The following RAB19 variants were observed in gnomAD, a reference collection of about 807,000 sequenced individuals.
RAB19 encodes the protein ras-related protein Rab-19.
RAB19 carries 21 observed loss-of-function variants against 17.3 expected under a neutral mutation model. That is an observed-to-expected ratio of 1.21 (90% CI 0.86 to 1.74). RAB19 has a LOEUF of 1.74. Among genes scored for constraint, RAB19 ranks in the 40% most tolerant of loss-of-function variants. The pLI is 0.00. For synonymous variants in RAB19, 126 were observed against 110.4 expected (o/e 1.14, Z -0.88); for missense variants, 277 against 286.8 (o/e 0.97, Z 0.25).
rs539274916 is a variant in RAB19, at chr7:140,420,357, G to A, written c.386-5525G>A. On this transcript the variant is annotated intron_variant, in intron 3 of 3. Transcript: ENST00000537763. ...AATCGCTTGAACCCAGGAGGCAGAG[G>A]TTGCAGTGAGCTGAGATCGCACCAT... is the stretch of plus-strand genomic sequence containing the variant. Among the ~76,000 whole-genome samples the A allele has an allele frequency of 2.1e-3, 305 of 147,802 alleles. 2 individuals are homozygous for A. The highest frequency in any genetic ancestry group is 0.02 in the South Asian group (94 of 4,666).
chr7:140,407,151 C>G (rs541724335), intron 1 of RAB19, among the ~76,000 whole-genome samples: 2 of 152,266 alleles, frequency 1.3e-5, no homozygotes, highest in South Asian at 4.1e-4. Context: ...TTCCGAAGAG[C>G]TGGGATTACA....
chr7:140,408,348 C>T (rs1397725102), intron 2 of RAB19, among the ~76,000 whole-genome samples: 1 of 151,828 alleles, frequency 6.6e-6, no homozygotes, highest in Non-Finnish European at 1.5e-5. Flanking sequence ...GAGACACGAA[C>T]CCAGAAGCCA....
At chr7:140,425,092 C>G (rs1799639417) in intron 3 of RAB19, among the ~76,000 whole-genome samples, 1 of 152,052 alleles carries the variant, frequency 6.6e-6, no homozygotes, top group South Asian at 2.1e-4. Context: ...TCAAGACCAG[C>G]CTGGTCAACA....
chr7:140,405,012 G>A (rs1047961044), intron 1 of RAB19, among the ~76,000 whole-genome samples: 8 of 152,188 alleles, frequency 5.3e-5, no homozygotes, highest in African/African-American at 1.9e-4. Flanking sequence ...GAGGTAGTCA[G>A]TTCCTTGTGA....
At position 140,426,071 on chromosome 7, in the gene RAB19, C is replaced by T. The variant is rs1411579062; in HGVS notation, c.575C>T (p.Ala192Val). Residue 192 changes from alanine to valine, a missense_variant, in exon 4 of 4, where the codon GCC becomes GTC. Transcript: ENST00000537763. ...AGCCTGCACCTATATGGGGAGAGTG[C>T]CCTGAACGGCCTCCCCCTGGACTCC... ...RNSLHLYGES[A>V]LNGLPLDSSP... 3 of 1,614,048 alleles carry T rather than the reference C, an allele frequency of 1.9e-6. No individual in the cohort carries two copies. Among genetic ancestry groups the T allele is most frequent in the Non-Finnish European group, 2.5e-6 (3 of 1,180,048 alleles).
chr7:140,419,674 C>A (rs749686176), intron 3 of RAB19, among the ~76,000 whole-genome samples: 3 of 152,142 alleles, frequency 2.0e-5, no homozygotes, highest in African/African-American at 7.2e-5. Flanking sequence ...TACCCAGGAG[C>A]AAAATTGCAT....
chr7:140,421,366 T>G (rs1799560402), intron 3 of RAB19, among the ~76,000 whole-genome samples: 1 of 151,820 alleles, frequency 6.6e-6, no homozygotes. Context: ...TAGGTTGTTT[T>G]GTTTTGTTTT....
rs1327712308 is a variant in RAB19 at position 140,424,611 on chromosome 7, CTCTCTCTCTATA to C, written c.386-1269_386-1258del. Among the ~76,000 whole-genome samples the C allele has an allele frequency of 1.1e-3, 92 of 81,548 alleles. 1 individual carries two copies. In the East Asian group the frequency reaches 0.021, roughly 18 times the overall value. 53.5% of individuals were successfully genotyped at this position (81,548 alleles called of 152,430 possible). On this transcript the variant is annotated intron_variant, in intron 3 of 3. Coordinates refer to ENST00000537763, the MANE Select transcript of RAB19 (RefSeq NM_001008749.3). ...CCTCTCTCTCTCTCTCTCTCTCTCT[CTCTCTCTCTATA>C]TATATATATATATATATGTGTGTGT...
intron 3 of RAB19, among the ~76,000 whole-genome samples, chr7:140,418,124 G>C (rs1362593942): frequency 6.6e-6 from 1 of 152,086 alleles, no homozygotes; most frequent in African/African-American, 2.4e-5. Context: ...TTTGACACTG[G>C]GCAGGTTGGT....
At chr7:140,405,039 A>G (rs1799210751) in intron 1 of RAB19, among the ~76,000 whole-genome samples, 1 of 152,174 alleles carries the variant, frequency 6.6e-6, no homozygotes, top group Admixed American at 6.6e-5. Context: ...ATATTTAAGC[A>G]TAGGTGGACA....
intron 2 of RAB19, among the ~76,000 whole-genome samples, chr7:140,408,054 T>A (rs930290162): frequency 4.0e-5 from 6 of 150,614 alleles, no homozygotes; most frequent in Non-Finnish European, 8.9e-5. Flanking sequence ...ATTTTTTTTT[T>A]TTTTATGTAT....
intron 3 of RAB19, among the ~76,000 whole-genome samples, chr7:140,414,401 C>T (rs750597736): frequency 6.6e-5 from 10 of 152,204 alleles, no homozygotes; most frequent in Non-Finnish European, 1.3e-4. Context: ...CCAGCTGCCT[C>T]TCCCCCAGCC....
At chr7:140,420,286 T>C (rs1260549889) in intron 3 of RAB19, among the ~76,000 whole-genome samples, 2 of 151,242 alleles carry the variant, frequency 1.3e-5, no homozygotes, top group African/African-American at 2.4e-5. Context: ...CTGGGCGTGG[T>C]GGTGGGCGCC....
chr7:140,407,512 T>C, intron 1 of RAB19, 112 bp from the exon 2 acceptor site: 1 of 709,926 alleles, frequency 1.4e-6, no homozygotes. Flanking sequence ...ACTAGCATCA[T>C]TAGCATCGTC....
At chr7:140,423,108 A>G (rs4726794) in intron 3 of RAB19, among the ~76,000 whole-genome samples, 10,995 of 151,842 alleles carry the variant, frequency 0.072, 483 homozygotes, top group Admixed American at 0.11. Context: ...GCTCTGCTCA[A>G]ATAAACAAAT....
intron 3 of RAB19, among the ~76,000 whole-genome samples, chr7:140,420,376 G>A (rs1461332224): frequency 1.4e-5 from 2 of 141,454 alleles, no homozygotes; most frequent in Non-Finnish European, 3.0e-5. Context: ...AGCTGAGATC[G>A]CACCATTGCA....
rs1249682095 is a variant in RAB19, at chr7:140,408,381, T to C, written c.201+534T>C. On this transcript the variant is annotated intron_variant, in intron 2 of 3. Coordinates refer to ENST00000537763, the MANE Select transcript of RAB19 (RefSeq NM_001008749.3). ...CCAATAAGGAAAATACTGCTGAATC[T>C]AACTGTGAAGGTCAAATTTATACAT... 2.0e-5 allele frequency among the ~76,000 whole-genome samples: 3 copies of C among 151,974 alleles called. No homozygotes were observed. The East Asian group carries it at 5.8e-4, about 29-fold the overall frequency.
At chr7:140,415,495 A>G (rs796782786) in intron 3 of RAB19, among the ~76,000 whole-genome samples, 5 of 151,978 alleles carry the variant, frequency 3.3e-5, no homozygotes, top group African/African-American at 1.2e-4. Context: ...CTCAACAAAA[A>G]CCCTCAGGGC....
intron 2 of RAB19, 33 bp downstream of exon 2, chr7:140,407,880 C>CTTTTTTTTTT (rs71170993): frequency 3.6e-6 from 2 of 552,650 alleles, no homozygotes; most frequent in Non-Finnish European, 2.6e-6. Flanking sequence ...CTGGTTCCAC[C>CTTTTTTTTTT]TTTTTTTTTT....
Sources: allele counts gnomAD v4.1 joint callset (sites outside exome capture counted in the v4.1 genomes callset), GRCh38; gene constraint gnomAD v4.1.1; transcripts MANE v1.5; gene names NCBI Gene and HGNC (gene_info 2026-07-23, HGNC 2026-07-21).